RSU1: variants seen among roughly 807,000 people sequenced by gnomAD.
The protein encoded by RSU1 is rsu-1.
A neutral mutation model predicts 31.1 loss-of-function variants in RSU1; 26 were observed. The observed-to-expected ratio is 0.84, with a 90% CI of 0.61 to 1.16. The LOEUF (loss-of-function observed/expected upper bound fraction) is 1.16. RSU1 is among the 50% of genes most tolerant of loss of function. RSU1 has a pLI of 0.00. For synonymous variants in RSU1, 164 were observed against 136.3 expected, an observed-to-expected ratio of 1.20 and a Z score of -1.41; for missense variants, 320 against 339.1, an observed-to-expected ratio of 0.94 and a Z score of 0.44.
intron 8 of RSU1, among the ~76,000 whole-genome samples, chr10:16,675,214 A>AAAG (rs1588708271): frequency 6.6e-6 from 1 of 150,918 alleles, no homozygotes. Flanking sequence ...AAAAAAAAAA[A>AAAG]AAAGAAAGAA....
At chr10:16,690,400 G>C (rs1043805524) in intron 8 of RSU1, among the ~76,000 whole-genome samples, 8 of 152,150 alleles carry the variant, frequency 5.3e-5, no homozygotes, top group African/African-American at 1.9e-4. Flanking sequence ...AGGCACGAAA[G>C]ATGAAGAGAC....
intron 4 of RSU1, among the ~76,000 whole-genome samples, chr10:16,759,985 C>T (rs1837176013): frequency 6.6e-6 from 1 of 152,214 alleles, no homozygotes. Flanking sequence ...ACTTGCCTCA[C>T]TGTGTGAGTA....
intron 8 of RSU1, among the ~76,000 whole-genome samples, chr10:16,633,348 C>G (rs939635062): frequency 2.6e-5 from 4 of 152,070 alleles, no homozygotes; most frequent in Admixed American, 2.6e-4. Context: ...AAAATCAGCA[C>G]AGCTTAGGGT....
At chr10:16,601,004 C>T (rs916526884) in intron 8 of RSU1, among the ~76,000 whole-genome samples, 1 of 152,194 alleles carries the variant, frequency 6.6e-6, no homozygotes, top group Admixed American at 6.5e-5. Flanking sequence ...AAAATGTCCT[C>T]GCTTGGCTCT....
At chr10:16,701,191 G>C (rs1313753396) in intron 7 of RSU1, among the ~76,000 whole-genome samples, 1 of 152,154 alleles carries the variant, frequency 6.6e-6, no homozygotes, top group African/African-American at 2.4e-5. Flanking sequence ...TACATTGAAA[G>C]GGAATGGTCA....
intron 7 of RSU1, among the ~76,000 whole-genome samples, chr10:16,708,159 C>A (rs770092782): frequency 1.3e-5 from 2 of 152,070 alleles, no homozygotes; most frequent in African/African-American, 4.8e-5. Flanking sequence ...TGACTTCCCC[C>A]AAAAAACTAT....
chr10:16,812,374 G>A (rs1233429009), intron 2 of RSU1, among the ~76,000 whole-genome samples: 1 of 152,134 alleles, frequency 6.6e-6, no homozygotes, highest in Non-Finnish European at 1.5e-5. Flanking sequence ...CCCAAGAGGT[G>A]GAGGCTGCAG....
At chr10:16,723,022 ATATATG>A (rs553545637) in intron 7 of RSU1, 90 of 151,276 alleles carry the variant, frequency 5.9e-4, no homozygotes, top group Middle Eastern at 3.5e-3. Context: ...ACATACACAC[ATATATG>A]TATATGTATA....
At chr10:16,659,919 G>A (rs984407527) in intron 8 of RSU1, among the ~76,000 whole-genome samples, 16 of 152,142 alleles carry the variant, frequency 1.1e-4, no homozygotes, top group East Asian at 7.7e-4. Context: ...ATGTTCTAGC[G>A]TTCTGAAACG....
At chr10:16,628,039 C>T (rs60991072) in intron 8 of RSU1, among the ~76,000 whole-genome samples, 2,323 of 152,250 alleles carry the variant, frequency 0.015, 67 homozygotes, top group African/African-American at 0.053. Context: ...TATGGCAAAC[C>T]GCCCAGAAGG....
chr10:16,674,666 G>A (rs976564210), intron 8 of RSU1, among the ~76,000 whole-genome samples: 8 of 152,012 alleles, frequency 5.3e-5, no homozygotes, highest in African/African-American at 1.9e-4. Flanking sequence ...CAGTGATAAT[G>A]GAAAAAACTT....
intron 8 of RSU1, among the ~76,000 whole-genome samples, chr10:16,661,283 AGTGCGTGTGTGTGTGTGTGT>A (rs1375396690): frequency 4.3e-5 from 5 of 115,834 alleles, no homozygotes; most frequent in African/African-American, 1.5e-4. Context: ...ATATGTAGAG[AGTGCGTGTGTGTGTGTGTGT>A]GTGTGTGTGT....
At chr10:16,686,437 T>A (rs1380501325) in intron 8 of RSU1, among the ~76,000 whole-genome samples, 1 of 152,210 alleles carries the variant, frequency 6.6e-6, no homozygotes, top group African/African-American at 2.4e-5. Flanking sequence ...TAGTTCAATA[T>A]GATTATATCA....
At chr10:16,600,281 AC>A (rs1450911724) in intron 8 of RSU1, among the ~76,000 whole-genome samples, 1 of 152,006 alleles carries the variant, frequency 6.6e-6, no homozygotes, top group Non-Finnish European at 1.5e-5. Context: ...CTGAGCTGCC[AC>A]CCCAGGAACC....
intron 8 of RSU1, among the ~76,000 whole-genome samples, chr10:16,611,539 T>A (rs1032273189): frequency 2.0e-5 from 3 of 152,226 alleles, no homozygotes; most frequent in Non-Finnish European, 2.9e-5. Flanking sequence ...AACTGTTGAT[T>A]TGTTTCCAAA....
At chr10:16,803,778 A>C (rs1472538950) in intron 2 of RSU1, among the ~76,000 whole-genome samples, 8 of 152,216 alleles carry the variant, frequency 5.3e-5, no homozygotes, top group Non-Finnish European at 1.0e-4. Flanking sequence ...ACATCAACAC[A>C]CACACAAAAA....
intron 2 of RSU1, among the ~76,000 whole-genome samples, chr10:16,815,127 G>T (rs561479869): frequency 1.3e-5 from 2 of 152,176 alleles, no homozygotes; most frequent in Non-Finnish European, 1.5e-5. Flanking sequence ...TGGCAGAGCC[G>T]GGCAGGCGCA....
intron 8 of RSU1, among the ~76,000 whole-genome samples, chr10:16,675,053 A>C (rs1835201273): frequency 6.6e-6 from 1 of 151,954 alleles, no homozygotes; most frequent in Non-Finnish European, 1.5e-5. Context: ...AAATAAAAAT[A>C]AAAATTAGCT....
Position 16,811,255 on chromosome 10 carries a change from G to C in RSU1, c.109+5718C>G, listed in dbSNP as rs149119527. 1.0e-3 allele frequency among the ~76,000 whole-genome samples: 154 copies of C among 152,254 alleles called. 1 individual carries two copies. The highest frequency in any genetic ancestry group is 3.5e-3 in the African/African-American group (147 of 41,536). Reference sequence around the variant, plus strand: ...AGGTGTGTAGTAGGCTACACCATCTGGGTGTGTGTAGGGACATTCTGGGAA... The same window carrying C: ...AGGTGTGTAGTAGGCTACACCATCTCGGTGTGTGTAGGGACATTCTGGGAA... On this transcript the variant is annotated intron_variant, in intron 2 of 8. Transcript: ENST00000345264.
Sources: gnomAD v4.1 joint callset for allele counts (sites outside exome capture counted in the v4.1 genomes callset) on GRCh38, gnomAD v4.1.1 for gene constraint, MANE v1.5 for transcripts, NCBI Gene and HGNC (gene_info 2026-07-23, HGNC 2026-07-21) for gene names.